Variants in OCIAD1 observed in about 807,000 individuals in gnomAD.
The protein encoded by OCIAD1 is OCIA domain containing 1.
A neutral mutation model predicts 38.9 loss-of-function variants in OCIAD1; 29 were observed. The ratio of observed to expected loss-of-function variants is 0.74; its 90% CI spans 0.55 to 1.02. The LOEUF (loss-of-function observed/expected upper bound fraction) is 1.02. OCIAD1 is among the 50% of genes least tolerant of loss of function. The pLI is 0.00. For missense variants in OCIAD1, 288 were observed against 289.6 expected (o/e 0.99, Z 0.04); for synonymous variants, 110 against 92.0 (o/e 1.20, Z -1.12).
At chr4:48,809,962 T>C (rs1424629748) in intron 1 of OCIAD1, among the ~76,000 whole-genome samples, 2 of 152,238 alleles carry the variant, frequency 1.3e-5, no homozygotes, top group African/African-American at 4.8e-5. Flanking sequence ...CACTGGTTAC[T>C]AGCTCTGTGA....
intron 1 of OCIAD1, among the ~76,000 whole-genome samples, chr4:48,814,181 T>A (rs1358088078): frequency 6.6e-6 from 1 of 151,758 alleles, no homozygotes; most frequent in Non-Finnish European, 1.5e-5. Context: ...GACAGATGGT[T>A]CTCGGTTTGA....
chr4:48,807,099 G>A (rs1777036213), intron 1 of OCIAD1, among the ~76,000 whole-genome samples: 1 of 152,068 alleles, frequency 6.6e-6, no homozygotes, highest in Non-Finnish European at 1.5e-5. Context: ...TAGAGACAGA[G>A]TCTCGATATG....
intron 6 of OCIAD1, among the ~76,000 whole-genome samples, chr4:48,851,012 A>G (rs1018340463): frequency 6.6e-6 from 1 of 152,224 alleles, no homozygotes; most frequent in African/African-American, 2.4e-5. Context: ...AATCTTATCA[A>G]TCCCATCTCT....
In OCIAD1 at chr4:48,832,676, A is replaced by G. The variant is rs1162952555; in HGVS notation, c.52A>G (p.Ile18Val). 7 of 1,609,142 alleles carry G rather than the reference A, an allele frequency of 4.4e-6. No homozygotes were observed. The highest frequency in any genetic ancestry group is 2.2e-5 in the East Asian group (1 of 44,866). The change falls in exon 2 of 9, where the codon ATT (isoleucine) becomes GTT (valine). Residue 18 changes from isoleucine to valine, a missense_variant. Physicochemically the swap from Ile to Val is conservative, Grantham distance 29. Transcript: ENST00000264312. ...GCCGAATGCAGAGGTTCCAAGACCA[A>G]TTCCCCGTAACTATCTATTAAGTAT... is the stretch of plus-strand genomic sequence containing the variant. The part of the protein sequence containing the change: ...REPNAEVPRP[I>V]PHIGPDYIPT...
chr4:48,840,833 C>CAAAAAAAA (rs1233881090), intron 3 of OCIAD1, among the ~76,000 whole-genome samples: 4 of 46,272 alleles, frequency 8.6e-5, no homozygotes, highest in Admixed American at 2.2e-4. Flanking sequence ...CTCATCTCTA[C>CAAAAAAAA]AAAAAAAAAA....
At chr4:48,857,464 A>G (rs1376313033) in intron 8 of OCIAD1, 99 bp downstream of exon 8, 1 of 647,072 alleles carries the variant, frequency 1.5e-6, no homozygotes, top group East Asian at 3.4e-5. Context: ...ATGTGATTTA[A>G]CTCTTCAAGC....
chr4:48,806,855 C>T (rs1220055766), intron 1 of OCIAD1, among the ~76,000 whole-genome samples: 1 of 152,300 alleles, frequency 6.6e-6, no homozygotes, highest in South Asian at 2.1e-4. Flanking sequence ...CCACCCACCT[C>T]GGCCTCCCGA....
chr4:48,860,460 T>C (rs1780502090), intron 8 of OCIAD1, among the ~76,000 whole-genome samples: 1 of 152,118 alleles, frequency 6.6e-6, no homozygotes, highest in African/African-American at 2.4e-5. Context: ...TTACTAATCT[T>C]TTTTCTCACC....
At chr4:48,853,833 A>G (rs1482943358) in intron 7 of OCIAD1, among the ~76,000 whole-genome samples, 4 of 152,224 alleles carry the variant, frequency 2.6e-5, no homozygotes, top group Admixed American at 2.6e-4. Flanking sequence ...AGTCGGGGCA[A>G]AGGGGTGAGT....
intron 6 of OCIAD1, among the ~76,000 whole-genome samples, chr4:48,850,719 A>G (rs1232915154): frequency 6.6e-6 from 1 of 152,154 alleles, no homozygotes; most frequent in Non-Finnish European, 1.5e-5. Flanking sequence ...GACCACAGGC[A>G]TACACCACCA....
At chr4:48,838,476 G>C (rs1279518741) in intron 3 of OCIAD1, among the ~76,000 whole-genome samples, 1 of 152,204 alleles carries the variant, frequency 6.6e-6, no homozygotes. Flanking sequence ...CCAAGGTGTT[G>C]TTGCATATTA....
intron 1 of OCIAD1, chr4:48,831,588 A>G: frequency 7.8e-7 from 1 of 1,279,402 alleles, no homozygotes; most frequent in Non-Finnish European, 1.0e-6. Context: ...TGTGTAAAGA[A>G]CTTAAAATGG....
At chr4:48,822,031 T>C (rs1295069395) in intron 1 of OCIAD1, among the ~76,000 whole-genome samples, 1 of 152,186 alleles carries the variant, frequency 6.6e-6, no homozygotes, top group Admixed American at 6.5e-5. Context: ...CTTCACAGAA[T>C]TGGAAAAAAC....
At chr4:48,808,547 A>G (rs1777054258) in intron 1 of OCIAD1, among the ~76,000 whole-genome samples, 1 of 152,040 alleles carries the variant, frequency 6.6e-6, no homozygotes, top group Non-Finnish European at 1.5e-5. Context: ...CTGCTCCCTT[A>G]TTAATGGGAT....
intron 1 of OCIAD1, among the ~76,000 whole-genome samples, chr4:48,813,242 G>A (rs1777108808): frequency 6.6e-6 from 1 of 152,178 alleles, no homozygotes; most frequent in African/African-American, 2.4e-5. Flanking sequence ...TCTGGTATAC[G>A]TGATACTGTT....
intron 1 of OCIAD1, among the ~76,000 whole-genome samples, chr4:48,823,083 A>T (rs1168084619): frequency 6.6e-6 from 1 of 152,220 alleles, no homozygotes; most frequent in Non-Finnish European, 1.5e-5. Context: ...ATGAAGACAC[A>T]TGCACATGTA....
intron 1 of OCIAD1, 135 bp downstream of exon 1, chr4:48,831,384 G>T: frequency 1.3e-6 from 1 of 747,906 alleles, no homozygotes; most frequent in Non-Finnish European, 2.0e-6. Context: ...TCGGGTCTCG[G>T]CCTCCTGAGT....
At chr4:48,809,260 G>A (rs905313252) in intron 1 of OCIAD1, among the ~76,000 whole-genome samples, 10 of 152,286 alleles carry the variant, frequency 6.6e-5, no homozygotes, top group Middle Eastern at 3.4e-3. Flanking sequence ...GGTGGCTCAC[G>A]CCTGTAATCC....
rs1779509302 is a variant in OCIAD1, at chr4:48,851,881, C to T, written c.453C>T (p.Asp151=). ...QSSFVTSPAA[D]NIEMLPHYEP... is the part of the protein sequence containing the mutation. ...CTTTTGTGACATCCCCAGCAGCAGA[C>T]AACATAGAAATGCTTCCTCATTATG... The change falls in exon 7 of 9, where the codon GAC becomes GAT. Residue 151 remains aspartate, a synonymous_variant. Transcript: ENST00000264312. The T allele has an allele frequency of 3.1e-6, 5 of 1,613,416 alleles. No individual in the cohort carries two copies. In the East Asian group the frequency reaches 8.9e-5, roughly 29 times the overall value.
Sources: gnomAD v4.1 joint callset for allele counts (sites outside exome capture counted in the v4.1 genomes callset) on GRCh38, gnomAD v4.1.1 for gene constraint, MANE v1.5 for transcripts, NCBI Gene and HGNC (gene_info 2026-07-23, HGNC 2026-07-21) for gene names.